Variants in ROBO2 observed in about 807,000 individuals in gnomAD.
The protein encoded by ROBO2 is roundabout guidance receptor 2.
In ROBO2, 53 loss-of-function variants were observed where a neutral mutation model predicts 160.8. The observed-to-expected ratio is 0.33, with a 90% CI of 0.26 to 0.41. ROBO2 has a LOEUF of 0.41. Ranked by LOEUF, ROBO2 falls within the 10% of genes least tolerant of loss-of-function variation. The pLI, the probability that ROBO2 is intolerant of heterozygous loss-of-function variation, is 1.00. For synonymous variants in ROBO2, 664 were observed against 611.7 expected, an observed-to-expected ratio of 1.09 and a Z score of -1.26; for missense variants, 1,577 against 1,722.4, an observed-to-expected ratio of 0.92 and a Z score of 1.49.
intron 4 of ROBO2, among the ~76,000 whole-genome samples, chr3:77,489,123 C>T (rs1334428766): frequency 1.3e-5 from 2 of 152,142 alleles, no homozygotes; most frequent in Non-Finnish European, 2.9e-5. Flanking sequence ...GACCAAGCTC[C>T]AGTATCTCAG....
intron 2 of ROBO2, among the ~76,000 whole-genome samples, chr3:76,865,898 T>C (rs1002413703): frequency 6.6e-6 from 1 of 152,256 alleles, no homozygotes; most frequent in African/African-American, 2.4e-5. Context: ...TATAGCTACC[T>C]TGTATTTTAG....
At chr3:77,176,344 G>A (rs1375067978) in intron 2 of ROBO2, among the ~76,000 whole-genome samples, 4 of 151,866 alleles carry the variant, frequency 2.6e-5, no homozygotes, top group East Asian at 1.9e-4. Context: ...GAAAATACTC[G>A]GACGGATTTT....
chr3:77,428,339 ATTTTTTTTTTT>A lies in ROBO2; in HGVS notation c.389-49058_389-49048del, dbSNP rs59725522. Among the ~76,000 whole-genome samples, 476 of 105,570 alleles carry A rather than the reference ATTTTTTTTTTT, an allele frequency of 4.5e-3. 2 individuals carry two copies. The highest frequency in any genetic ancestry group is 0.018 in the African/African-American group (420 of 23,858). 69.3% of individuals were successfully genotyped at this position (105,570 alleles called of 152,430 possible). A position where few individuals can be genotyped will look rare whatever the true frequency, so the allele number is the denominator to read the frequency against. ...GCATTCACAGCAAAACTTAGGTAAT[ATTTTTTTTTTT>A]TTTTTTTTTTTTTTTTGAGACGGAG... On this transcript the variant is annotated intron_variant, in intron 2 of 25. Transcript: ENST00000461745.
chr3:76,666,942 ATATATATAT>A (rs2092072730), intron 2 of ROBO2, among the ~76,000 whole-genome samples: 1 of 143,170 alleles, frequency 7.0e-6, no homozygotes, highest in Non-Finnish European at 1.5e-5. Flanking sequence ...TTCTATGTCT[ATATATATAT>A]TATATGACAT....
At chr3:76,854,264 T>C (rs2069796302) in intron 2 of ROBO2, among the ~76,000 whole-genome samples, 1 of 152,116 alleles carries the variant, frequency 6.6e-6, no homozygotes, top group South Asian at 2.1e-4. Context: ...CTGCTCCCTA[T>C]TAATAGAAAT....
chr3:76,556,918 T>G (rs888614397), intron 2 of ROBO2, among the ~76,000 whole-genome samples: 1 of 152,144 alleles, frequency 6.6e-6, no homozygotes, highest in Non-Finnish European at 1.5e-5. Flanking sequence ...TCTCTCATAG[T>G]CATCTCCATA....
At chr3:76,257,252 C>G (rs888232719) in intron 2 of ROBO2, among the ~76,000 whole-genome samples, 5 of 152,038 alleles carry the variant, frequency 3.3e-5, no homozygotes, top group Non-Finnish European at 5.9e-5. Context: ...ACCTTTAATT[C>G]CTTCTTAAAT....
chr3:76,637,615 A>G (rs1236800029), intron 2 of ROBO2, among the ~76,000 whole-genome samples: 1 of 152,138 alleles, frequency 6.6e-6, no homozygotes, highest in Non-Finnish European at 1.5e-5. Context: ...TTGAAATAAT[A>G]ACAGACTGCT....
chr3:77,486,082 C>A (rs2085317408), intron 4 of ROBO2, among the ~76,000 whole-genome samples: 1 of 152,126 alleles, frequency 6.6e-6, no homozygotes, highest in South Asian at 2.1e-4. Context: ...GCTTCCAGCT[C>A]CATCTGTGTC....
chr3:77,340,632 T>C (rs150830825), intron 2 of ROBO2, among the ~76,000 whole-genome samples: 2 of 152,230 alleles, frequency 1.3e-5, no homozygotes, highest in African/African-American at 4.8e-5. Flanking sequence ...AAGACCCAGT[T>C]TGAGTTGTAC....
In ROBO2 at chr3:75,997,792, A is replaced by G. The variant is rs532559474; in HGVS notation, c.109+60190A>G. On this transcript the variant is annotated intron_variant, in intron 2 of 26. Transcript: ENST00000487694. The stretch of plus-strand genomic sequence containing the variant: ...ACAGGCGTGAGCCACCGCGCCCGGC[A>G]AGTGGTATCTTTTCACTTAGTTTAT... Among the ~76,000 whole-genome samples, 5 of 152,180 alleles carry G rather than the reference A, an allele frequency of 3.3e-5. No individual in the cohort carries two copies. In the East Asian group the frequency reaches 7.8e-4, roughly 24 times the overall value.
chr3:77,166,838 C>T (rs1380274486), intron 2 of ROBO2, among the ~76,000 whole-genome samples: 2 of 152,300 alleles, frequency 1.3e-5, no homozygotes, highest in South Asian at 2.1e-4. Flanking sequence ...GGATTACAGG[C>T]GTGAGCCCCC....
chr3:77,470,904 A>G (rs1435166301), intron 2 of ROBO2, among the ~76,000 whole-genome samples: 1 of 152,210 alleles, frequency 6.6e-6, no homozygotes, highest in Non-Finnish European at 1.5e-5. Context: ...ACCTGCCGGC[A>G]GGAAAGACTT....
At chr3:76,204,127 C>G (rs919147712) in intron 2 of ROBO2, among the ~76,000 whole-genome samples, 2 of 152,096 alleles carry the variant, frequency 1.3e-5, no homozygotes, top group Non-Finnish European at 2.9e-5. Flanking sequence ...TTAAACTGCA[C>G]CCATTTGTTA....
At chr3:77,522,930 T>G (rs367859564) in intron 6 of ROBO2, 28 bp downstream of exon 6, 4 of 1,607,692 alleles carry the variant, frequency 2.5e-6, no homozygotes, top group South Asian at 2.2e-5. Flanking sequence ...TCAAAGATAA[T>G]TGAACCAGGA....
At chr3:76,705,580 C>G (rs2093143720) in intron 2 of ROBO2, among the ~76,000 whole-genome samples, 1 of 152,020 alleles carries the variant, frequency 6.6e-6, no homozygotes, top group Non-Finnish European at 1.5e-5. Flanking sequence ...AAAGCAGTTT[C>G]AGTAGAATCA....
intron 2 of ROBO2, among the ~76,000 whole-genome samples, chr3:77,143,561 CTTTAATA>C (rs2076893109): frequency 2.6e-5 from 4 of 152,038 alleles, no homozygotes; most frequent in Admixed American, 2.6e-4. Flanking sequence ...TCAGACATCA[CTTTAATA>C]TTTATATTTT....
chr3:76,360,042 C>G (rs977775731), intron 2 of ROBO2, among the ~76,000 whole-genome samples: 1 of 151,970 alleles, frequency 6.6e-6, no homozygotes, highest in Non-Finnish European at 1.5e-5. Flanking sequence ...TAATCTTCAC[C>G]CATGACCAGC....
chr3:76,464,130 A>G (rs1184695850), intron 2 of ROBO2, among the ~76,000 whole-genome samples: 1 of 152,126 alleles, frequency 6.6e-6, no homozygotes, highest in African/African-American at 2.4e-5. Context: ...CTAGTTATGA[A>G]GTATAGATTC....
Sources: allele counts gnomAD v4.1 joint callset (sites outside exome capture counted in the v4.1 genomes callset), GRCh38; gene constraint gnomAD v4.1.1; transcripts MANE v1.5; gene names NCBI Gene and HGNC (gene_info 2026-07-23, HGNC 2026-07-21).